The following ZMAT5 variants were observed in gnomAD, a reference collection of about 807,000 sequenced individuals.
ZMAT5 encodes the protein zinc finger matrin-type 5.
A neutral mutation model predicts 28.0 loss-of-function variants in ZMAT5; 23 were observed. The observed-to-expected ratio is 0.82, with a 90% CI of 0.59 to 1.16. The LOEUF is 1.16. Ranked by LOEUF, ZMAT5 falls within the 50% of genes most tolerant of loss-of-function variation. The probability of loss-of-function intolerance (pLI) is 0.00; values close to 1 mark genes in which losing one functional copy is unlikely to be tolerated. For synonymous variants in ZMAT5, 76 were observed against 84.1 expected, an observed-to-expected ratio of 0.90 and a Z score of 0.52; for missense variants, 173 against 212.7, an observed-to-expected ratio of 0.81 and a Z score of 1.16.
intron 1 of ZMAT5, among the ~76,000 whole-genome samples, 189 bp downstream of exon 1, chr22:29,766,683 T>G (rs2068216111): frequency 6.6e-6 from 1 of 152,202 alleles, no homozygotes; most frequent in Non-Finnish European, 1.5e-5. Context: ...CTGCCCTTAA[T>G]CCAGGGTGAA....
intron 1 of ZMAT5, among the ~76,000 whole-genome samples, chr22:29,765,777 A>T (rs2068203506): frequency 6.6e-6 from 1 of 152,210 alleles, no homozygotes; most frequent in Non-Finnish European, 1.5e-5. Flanking sequence ...CTGAAGCAGG[A>T]GAATCACTTG....
chr22:29,734,287 C>G (rs2067883161), intron 5 of ZMAT5, among the ~76,000 whole-genome samples: 1 of 152,184 alleles, frequency 6.6e-6, no homozygotes, highest in Non-Finnish European at 1.5e-5. Context: ...ACCCCCACTT[C>G]CCCATGTTTA....
chr22:29,766,777 G>A (rs2068217751), intron 1 of ZMAT5, 95 bp downstream of exon 1: 1 of 152,578 alleles, frequency 6.6e-6, no homozygotes, highest in Non-Finnish European at 1.5e-5. Flanking sequence ...ACAAGGCGAA[G>A]AGTTGAGCCA....
chr22:29,732,076 C>T (rs2067852128), intron 5 of ZMAT5, among the ~76,000 whole-genome samples: 1 of 152,212 alleles, frequency 6.6e-6, no homozygotes, highest in Non-Finnish European at 1.5e-5. Context: ...ATCCTCCGTG[C>T]CCAGCCCGGG....
chr22:29,745,210 C>A (rs545440974), intron 2 of ZMAT5, among the ~76,000 whole-genome samples: 1 of 152,148 alleles, frequency 6.6e-6, no homozygotes, highest in Non-Finnish European at 1.5e-5. Context: ...TCGGGGAGGA[C>A]GTCCCTGAGG....
chr22:29,745,216 T>TGAGGG (rs1367747062), intron 2 of ZMAT5, among the ~76,000 whole-genome samples: 1 of 152,092 alleles, frequency 6.6e-6, no homozygotes, highest in Non-Finnish European at 1.5e-5. Flanking sequence ...AGGACGTCCC[T>TGAGGG]GAGGATTTGC....
At chr22:29,760,570 C>G (rs2068148098) in intron 1 of ZMAT5, among the ~76,000 whole-genome samples, 1 of 152,016 alleles carries the variant, frequency 6.6e-6, no homozygotes, top group African/African-American at 2.4e-5. Flanking sequence ...TGGGTCAGGT[C>G]CCCAGAAATC....
intron 1 of ZMAT5, among the ~76,000 whole-genome samples, chr22:29,756,076 G>A (rs765114773): frequency 2.6e-5 from 4 of 152,252 alleles, no homozygotes; most frequent in Admixed American, 6.5e-5. Context: ...CCAACAGCTC[G>A]GCCTTTGGCC....
intron 4 of ZMAT5, among the ~76,000 whole-genome samples, chr22:29,739,665 G>A (rs1039936900): frequency 6.6e-6 from 1 of 152,160 alleles, no homozygotes; most frequent in Non-Finnish European, 1.5e-5. Context: ...CCACTGCCCC[G>A]TGCTCGTCCC....
At chr22:29,740,940 G>A (rs1418159719) in intron 3 of ZMAT5, among the ~76,000 whole-genome samples, 1 of 152,170 alleles carries the variant, frequency 6.6e-6, no homozygotes, top group Non-Finnish European at 1.5e-5. Context: ...ACATGCTCAC[G>A]ACCCTTCTCC....
rs774449206 is a variant in ZMAT5, at chr22:29,740,645, C to T, written c.271+5G>A. On this transcript the variant is annotated splice_donor_5th_base_variant and intron_variant, in intron 4 of 5. Coordinates refer to ENST00000344318, the MANE Select transcript of ZMAT5 (RefSeq NM_001003692.2). Reference sequence around the variant, plus strand: ...CCGCTTAGCCCAGGGCATCCCGAGACGTACCCTCCACCTGGATGCTCAGCT... The same window carrying T: ...CCGCTTAGCCCAGGGCATCCCGAGATGTACCCTCCACCTGGATGCTCAGCT... 41 of 1,596,500 alleles carry T rather than the reference C, an allele frequency of 2.6e-5. No homozygotes were observed. Among genetic ancestry groups the T allele is most frequent in the Non-Finnish European group, 3.1e-5 (36 of 1,171,744 alleles).
At chr22:29,766,655 A>G (rs1216237614) in intron 1 of ZMAT5, among the ~76,000 whole-genome samples, 2 of 152,244 alleles carry the variant, frequency 1.3e-5, no homozygotes, top group Non-Finnish European at 2.9e-5. Flanking sequence ...AGGAACAGGA[A>G]GCAGGGCAGA....
Position 29,731,212 on chromosome 22 carries a change from G to T in ZMAT5, c.*13C>A. ...AAAAGTGACCACGTGGGGGTCAGTC[G>T]GGGGCAAGGGGCTCAGCCCCACTGG... On this transcript the variant is annotated 3_prime_UTR_variant, in exon 6 of 6. Transcript: ENST00000344318. 1 of 1,486,744 alleles carries T rather than the reference G, an allele frequency of 6.7e-7. No individual in the cohort carries two copies. The highest frequency in any genetic ancestry group is 1.4e-5 in the South Asian group (1 of 70,582). The allele number at this position is 1,486,744 out of a possible 1,614,324, so 92.1% of individuals were successfully genotyped here.
chr22:29,764,430 G>A (rs1048082408), intron 1 of ZMAT5, among the ~76,000 whole-genome samples: 1 of 152,224 alleles, frequency 6.6e-6, no homozygotes, highest in Admixed American at 6.5e-5. Flanking sequence ...GCTCTTTACA[G>A]ATGAATTAAA....
At chr22:29,762,504 G>A (rs1042488269) in intron 1 of ZMAT5, among the ~76,000 whole-genome samples, 6 of 152,102 alleles carry the variant, frequency 3.9e-5, no homozygotes, top group Admixed American at 6.5e-5. Context: ...TCAGATCATC[G>A]GCAGCATTAG....
chr22:29,747,006 T>A lies in ZMAT5; in HGVS notation c.127+1412A>T, dbSNP rs1246380794. 5 of 152,136 alleles carry A rather than the reference T, an allele frequency of 3.3e-5. No individual in the cohort carries two copies. In the East Asian group the frequency reaches 9.7e-4, roughly 30 times the overall value. The allele number at this position is 152,136 out of a possible 1,614,324, so 9.4% of individuals were successfully genotyped here. A position where few individuals can be genotyped will look rare whatever the true frequency, so the allele number is the denominator to read the frequency against. On this transcript the variant is annotated intron_variant, in intron 2 of 5. Transcript: ENST00000344318. ...CCTGCTGAGCAGCCTGGCCACCCCC[T>A]CACTTGAACCTCTGAGCCTCAGCTC...
chr22:29,756,751 A>C (rs539772123), intron 1 of ZMAT5, among the ~76,000 whole-genome samples: 1 of 152,092 alleles, frequency 6.6e-6, no homozygotes, highest in South Asian at 2.1e-4. Flanking sequence ...TCCACAAAAA[A>C]ATTTTTTTTA....
Position 29,734,908 on chromosome 22 carries a change from G to A in ZMAT5, c.383+3422C>T, listed in dbSNP as rs574432698. On this transcript the variant is annotated intron_variant, in intron 5 of 5. Transcript: ENST00000344318. ...TGTGGGGAAGCGCCAGGGCCAGGGT[G>A]CATCAGGGCTGCTGTGTGGAGGATC... Among the ~76,000 whole-genome samples the A allele has an allele frequency of 4.6e-5, 7 of 152,312 alleles. No homozygotes were observed. The South Asian group carries it at 1.5e-3, about 32-fold the overall frequency.
At chr22:29,748,254 C>T in intron 2 of ZMAT5, 164 bp downstream of exon 2, 1 of 949,858 alleles carries the variant, frequency 1.1e-6, no homozygotes, top group Non-Finnish European at 1.6e-6. Flanking sequence ...AAAGAGCTCA[C>T]CTACCAGCCT....
Sources: allele counts gnomAD v4.1 joint callset (sites outside exome capture counted in the v4.1 genomes callset), GRCh38; gene constraint gnomAD v4.1.1; transcripts MANE v1.5; gene names NCBI Gene and HGNC (gene_info 2026-07-23, HGNC 2026-07-21).